Variants in KAZN observed in about 807,000 individuals in gnomAD.
KAZN encodes kazrin, periplakin interacting protein, also known as kazrin.
A neutral mutation model predicts 87.4 loss-of-function variants in KAZN; 40 were observed. The ratio of observed to expected loss-of-function variants is 0.46; its 90% CI spans 0.36 to 0.60. The LOEUF is 0.60. Among genes scored for constraint, KAZN ranks in the 20% least tolerant of loss-of-function variants. The pLI is 0.00. For synonymous variants in KAZN, 466 were observed against 458.3 expected, an observed-to-expected ratio of 1.02 and a Z score of -0.22; for missense variants, 898 against 1,073.9, an observed-to-expected ratio of 0.84 and a Z score of 2.29.
intron 1 of KAZN, among the ~76,000 whole-genome samples, chr1:14,705,819 G>C (rs1642177582): frequency 1.3e-5 from 2 of 152,164 alleles, no homozygotes; most frequent in Admixed American, 6.5e-5. Flanking sequence ...AGACTACAAA[G>C]TTACAGCTAA....
chr1:14,527,176 G>A (rs569980003), intron 2 of KAZN, among the ~76,000 whole-genome samples: 157 of 152,270 alleles, frequency 1.0e-3, no homozygotes, highest in African/African-American at 3.5e-3. Flanking sequence ...CTGCTGCTGG[G>A]CCTGGAGTCA....
At chr1:15,053,954 G>A (rs1192305321) in intron 4 of KAZN, among the ~76,000 whole-genome samples, 1 of 152,198 alleles carries the variant, frequency 6.6e-6, no homozygotes, top group East Asian at 1.9e-4. Flanking sequence ...GCTGGAAGGA[G>A]CCCTGAAGAT....
intron 2 of KAZN, among the ~76,000 whole-genome samples, chr1:14,970,230 G>A (rs1237529149): frequency 3.3e-5 from 5 of 152,148 alleles, no homozygotes; most frequent in African/African-American, 4.8e-5. Flanking sequence ...CAGTTTCCCC[G>A]TTAAGATCCT....
intron 1 of KAZN, among the ~76,000 whole-genome samples, chr1:13,966,562 G>A (rs76585832): frequency 0.023 from 3,438 of 152,252 alleles, 57 homozygotes; most frequent in South Asian, 0.06. Context: ...GGGGCCACAC[G>A]GCTGGTGAGT....
intron 1 of KAZN, chr1:14,692,492 C>T (rs1276757733): frequency 5.1e-6 from 1 of 197,088 alleles, no homozygotes; most frequent in Non-Finnish European, 1.0e-5. Flanking sequence ...GCACTTCCAG[C>T]ATCACTAGTG....
intron 1 of KAZN, among the ~76,000 whole-genome samples, chr1:14,160,071 T>C (rs10928041): frequency 0.64 from 97,937 of 152,106 alleles, 33,195 homozygotes; most frequent in African/African-American, 0.86. Flanking sequence ...GGATGATGCC[T>C]GCACTCTTTT....
chr1:14,518,916 G>A (rs1430067782), intron 2 of KAZN, among the ~76,000 whole-genome samples: 1 of 152,220 alleles, frequency 6.6e-6, no homozygotes, highest in Non-Finnish European at 1.5e-5. Flanking sequence ...GAAAATGCTA[G>A]AAGCAGGGAT....
chr1:14,920,719 C>G (rs1658414184), intron 1 of KAZN, among the ~76,000 whole-genome samples: 1 of 152,202 alleles, frequency 6.6e-6, no homozygotes. Flanking sequence ...CGGGGCCCTT[C>G]TGAGCACGGG....
chr1:13,999,353 CA>C (rs1639676993), intron 1 of KAZN, among the ~76,000 whole-genome samples: 2 of 4,598 alleles, frequency 4.3e-4, no homozygotes, highest in African/African-American at 8.4e-4. Flanking sequence ...ATCTAAAAAA[CA>C]AAAAACAAAA....
rs569416 is a variant in KAZN at position 14,160,608 on chromosome 1, G to A, written c.92-19827G>A. Reference sequence around the variant, plus strand: ...TCTTATGAAGGTGCTTTTTTTGTGTGTGGATAGTTGTTAACTTGGTGTCCT... The same window carrying A: ...TCTTATGAAGGTGCTTTTTTTGTGTATGGATAGTTGTTAACTTGGTGTCCT... On this transcript the variant is annotated intron_variant, in intron 1 of 16. Transcript: ENST00000636203. Among the ~76,000 whole-genome samples the A allele has an allele frequency of 6.9e-3, 1,058 of 152,290 alleles. 10 individuals carry two copies. Among genetic ancestry groups the A allele is most frequent in the Non-Finnish European group, 0.012 (790 of 68,022 alleles).
chr1:14,363,120 A>G (rs555564427), intron 2 of KAZN, among the ~76,000 whole-genome samples: 1 of 152,244 alleles, frequency 6.6e-6, no homozygotes, highest in Admixed American at 6.5e-5. Flanking sequence ...CCATGGTTGC[A>G]TTTTTTAAAC....
intron 1 of KAZN, among the ~76,000 whole-genome samples, chr1:14,875,788 C>T (rs889547594): frequency 1.3e-5 from 2 of 152,234 alleles, no homozygotes; most frequent in African/African-American, 4.8e-5. Context: ...AAACACTTGC[C>T]AGTACACCAC....
rs367924436 is a variant in KAZN at position 14,967,981 on chromosome 1, G to A, written c.418+7106G>A. On this transcript the variant is annotated intron_variant, in intron 2 of 14. Transcript: ENST00000376030. ...GTTTCATGGAAGACAGTTTTTCCAC[G>A]GACCAGGTGTCCGGGGTTGGGGGAT... Among the ~76,000 whole-genome samples, 15 of 152,292 alleles carry A rather than the reference G, an allele frequency of 9.8e-5. No homozygotes were observed. The South Asian group carries it at 1.0e-3, about 11-fold the overall frequency.
chr1:14,918,428 C>A (rs958864442), intron 1 of KAZN, among the ~76,000 whole-genome samples: 5 of 151,828 alleles, frequency 3.3e-5, no homozygotes, highest in African/African-American at 1.2e-4. Context: ...GTAACCCCAG[C>A]AATTTGGGAG....
chr1:13,916,877 A>G (rs1639872334), intron 1 of KAZN, among the ~76,000 whole-genome samples: 1 of 151,960 alleles, frequency 6.6e-6, no homozygotes, highest in Non-Finnish European at 1.5e-5. Context: ...CTCGGGGAGA[A>G]TGGGGGAGAG....
intron 1 of KAZN, among the ~76,000 whole-genome samples, chr1:14,867,460 G>C (rs940672550): frequency 1.3e-5 from 2 of 152,166 alleles, no homozygotes; most frequent in African/African-American, 4.8e-5. Flanking sequence ...TGGGTTCAGG[G>C]ATGGTGCATC....
At position 13,933,138 on chromosome 1, in the gene KAZN, T is replaced by C. The variant is rs141787667; in HGVS notation, c.91+39382T>C. Among the ~76,000 whole-genome samples the C allele has an allele frequency of 5.5e-3, 836 of 152,326 alleles. 6 individuals are homozygous for C. Among genetic ancestry groups the C allele is most frequent in the African/African-American group, 0.019 (795 of 41,574 alleles). On this transcript the variant is annotated intron_variant, in intron 1 of 16. Coordinates refer to the KAZN transcript ENST00000636203. Reference sequence around the variant, plus strand: ...TGGGTTTCACTAGTTTTCCCATTAATGTCCTCTTTTTGTTTCAGGGTCACA... The same window carrying C: ...TGGGTTTCACTAGTTTTCCCATTAACGTCCTCTTTTTGTTTCAGGGTCACA...
At chr1:14,404,859 T>C (rs1663701621) in intron 2 of KAZN, among the ~76,000 whole-genome samples, 1 of 152,228 alleles carries the variant, frequency 6.6e-6, no homozygotes, top group Admixed American at 6.5e-5. Flanking sequence ...GAACACTCAA[T>C]AAATTCCTTA....
chr1:14,337,322 T>C (rs1350324190), intron 2 of KAZN, among the ~76,000 whole-genome samples: 1 of 152,216 alleles, frequency 6.6e-6, no homozygotes, highest in Non-Finnish European at 1.5e-5. Context: ...AAAATGGTAT[T>C]GAAAGCATCC....
Sources: allele counts gnomAD v4.1 joint callset (sites outside exome capture counted in the v4.1 genomes callset), GRCh38; gene constraint gnomAD v4.1.1; transcripts MANE v1.5; gene names NCBI Gene and HGNC (gene_info 2026-07-23, HGNC 2026-07-21).